TMCC1: variants seen among roughly 807,000 people sequenced by gnomAD.
The protein encoded by TMCC1 is transmembrane and coiled-coil domains protein 1.
TMCC1 carries 15 observed loss-of-function variants against 52.4 expected under a neutral mutation model. The ratio of observed to expected loss-of-function variants is 0.29; its 90% confidence interval spans 0.19 to 0.44. The LOEUF (loss-of-function observed/expected upper bound fraction) is 0.44. Among genes scored for constraint, TMCC1 ranks in the 20% least tolerant of loss-of-function variants. The pLI is 1.00. For synonymous variants in TMCC1, 279 were observed against 301.9 expected, an observed-to-expected ratio of 0.92 and a Z score of 0.79; for missense variants, 503 against 806.0, an observed-to-expected ratio of 0.62 and a Z score of 4.55.
chr3:129,827,735 GA>G (rs2058717409), intron 4 of TMCC1, 67 bp downstream of exon 4: 1 of 1,513,124 alleles, frequency 6.6e-7, no homozygotes, highest in Non-Finnish European at 8.9e-7. Flanking sequence ...GTTACCAAAG[GA>G]AAGTCTGGAG....
At chr3:129,831,194 A>G (rs1333791813) in intron 3 of TMCC1, among the ~76,000 whole-genome samples, 3 of 152,310 alleles carry the variant, frequency 2.0e-5, no homozygotes, top group East Asian at 1.9e-4. Flanking sequence ...TCAGCCTCCC[A>G]AAGTGCTGAG....
intron 4 of TMCC1, among the ~76,000 whole-genome samples, chr3:129,726,899 G>C (rs202042662): frequency 4.0e-5 from 2 of 50,596 alleles, no homozygotes; most frequent in Admixed American, 2.8e-4. Flanking sequence ...AAAAAAAAAA[G>C]AACCACTGTT....
intron 1 of TMCC1, among the ~76,000 whole-genome samples, chr3:129,892,247 C>G (rs2062002642): frequency 2.6e-5 from 4 of 152,180 alleles, no homozygotes; most frequent in African/African-American, 7.2e-5. Context: ...TAAAAGGTTA[C>G]CACCCACAGA....
At chr3:129,835,532 A>G (rs1449256415) in intron 2 of TMCC1, among the ~76,000 whole-genome samples, 4 of 152,204 alleles carry the variant, frequency 2.6e-5, no homozygotes, top group Non-Finnish European at 4.4e-5. Context: ...AGGTTTCTAT[A>G]AAGAACAAAA....
At chr3:129,733,441 G>A (rs1342190202) in intron 4 of TMCC1, among the ~76,000 whole-genome samples, 3 of 152,162 alleles carry the variant, frequency 2.0e-5, no homozygotes, top group Non-Finnish European at 4.4e-5. Context: ...CAAAGTGATA[G>A]CAGTAAAAAC....
chr3:129,782,552 T>C (rs1013098471), intron 4 of TMCC1, among the ~76,000 whole-genome samples: 6 of 152,190 alleles, frequency 3.9e-5, no homozygotes, highest in African/African-American at 1.4e-4. Flanking sequence ...CAAAGTGATA[T>C]TAATATATAT....
At chr3:129,737,411 C>G (rs1016945023) in intron 4 of TMCC1, among the ~76,000 whole-genome samples, 6 of 151,496 alleles carry the variant, frequency 4.0e-5, no homozygotes, top group African/African-American at 1.2e-4. Context: ...ACCCAGGAAG[C>G]GGAGGTTGTA....
At chr3:129,803,992 G>A (rs1243540652) in intron 4 of TMCC1, among the ~76,000 whole-genome samples, 1 of 151,968 alleles carries the variant, frequency 6.6e-6, no homozygotes, top group African/African-American at 2.4e-5. Flanking sequence ...CCTTGCAATC[G>A]TTTGCAATGC....
At chr3:129,667,220 T>TAAA (rs1202933776) in intron 5 of TMCC1, among the ~76,000 whole-genome samples, 11 of 85,798 alleles carry the variant, frequency 1.3e-4, no homozygotes, top group Non-Finnish European at 1.6e-4. Flanking sequence ...CCCTGACTCT[T>TAAA]AAAAAAAAAA....
intron 4 of TMCC1, among the ~76,000 whole-genome samples, chr3:129,790,812 T>C (rs2056400468): frequency 6.6e-6 from 1 of 152,228 alleles, no homozygotes; most frequent in Admixed American, 6.5e-5. Context: ...TCAACTTACA[T>C]CTAATTATTC....
At position 129,670,861 on chromosome 3, in the gene TMCC1, T is replaced by C. The variant is rs2087872391; in HGVS notation, c.980A>G (p.Gln327Arg). ...QPKDVFRDMH[Q>R]GLKDVGAKVT... ...CTTTGCTCCTACATCCTTCAGACCC[T>C]GGTGCATGTCCCTGAAGACATCCTT... is the stretch of plus-strand genomic sequence containing the variant. The change falls in exon 5 of 7, where the codon CAG becomes CGG. Residue 327 changes from glutamine to arginine, a missense_variant. Transcript: ENST00000393238. The C allele has an allele frequency of 6.2e-7, 1 of 1,614,110 alleles. No individual in the cohort carries two copies. The highest frequency in any genetic ancestry group is 1.7e-5 in the Admixed American group (1 of 60,008).
At position 129,893,331 on chromosome 3, in the gene TMCC1, G is replaced by T. The variant is rs185693207; in HGVS notation, c.-435+163C>A. 1,369 of 152,566 alleles carry T rather than the reference G, an allele frequency of 9.0e-3. 12 individuals are homozygous for T. The highest frequency in any genetic ancestry group is 0.015 in the Non-Finnish European group (1,027 of 68,278). The allele number at this position is 152,566 out of a possible 1,614,324, so 9.5% of individuals were successfully genotyped here. A position where few individuals can be genotyped will look rare whatever the true frequency, so the allele number is the denominator to read the frequency against. On this transcript the variant is annotated intron_variant, in intron 1 of 6. Transcript: ENST00000393238. Reference sequence around the variant, plus strand: ...GGCCCGGGGCTTCAACCTCGAACGGGGGCGACGGCAGGTCCCAGCCCCGAC... The same window carrying T: ...GGCCCGGGGCTTCAACCTCGAACGGTGGCGACGGCAGGTCCCAGCCCCGAC...
intron 2 of TMCC1, among the ~76,000 whole-genome samples, chr3:129,835,776 A>C (rs1239604607): frequency 6.6e-6 from 1 of 152,242 alleles, no homozygotes; most frequent in Non-Finnish European, 1.5e-5. Context: ...ACTGGTAACT[A>C]ATGTTACTCC....
At chr3:129,734,811 G>C (rs943223373) in intron 4 of TMCC1, among the ~76,000 whole-genome samples, 3 of 152,122 alleles carry the variant, frequency 2.0e-5, no homozygotes, top group African/African-American at 7.2e-5. Context: ...AGTTTGAAAA[G>C]CTTGGTAATT....
chr3:129,717,831 C>T (rs2049223791), intron 4 of TMCC1, among the ~76,000 whole-genome samples: 1 of 152,136 alleles, frequency 6.6e-6, no homozygotes, highest in African/African-American at 2.4e-5. Context: ...CTATCTTGCC[C>T]ACATATCTGT....
rs1344643069 is a variant in TMCC1, at chr3:129,669,238, TAA to T, written c.1511+1090_1511+1091del. 2.0e-5 allele frequency among the ~76,000 whole-genome samples: 3 copies of T among 152,272 alleles called. No homozygotes were observed. In the East Asian group the frequency reaches 5.8e-4, roughly 29 times the overall value. Reference sequence around the variant, plus strand: ...CATTTTTAAAAGGTGAAAAGGATATTAAAAGATTATCTGTTCAACTCCTGATG... The same window carrying T: ...CATTTTTAAAAGGTGAAAAGGATATTAAGATTATCTGTTCAACTCCTGATG... On this transcript the variant is annotated intron_variant, in intron 5 of 6. Transcript: ENST00000393238.
At chr3:129,703,153 A>G (rs144837403) in intron 4 of TMCC1, among the ~76,000 whole-genome samples, 32 of 152,352 alleles carry the variant, frequency 2.1e-4, no homozygotes, top group African/African-American at 7.7e-4. Context: ...ATTCTTTGTT[A>G]CTTAATTTTC....
intron 4 of TMCC1, among the ~76,000 whole-genome samples, chr3:129,675,675 T>C (rs1275471462): frequency 6.6e-6 from 1 of 152,158 alleles, no homozygotes; most frequent in African/African-American, 2.4e-5. Context: ...AAAAGTAATA[T>C]AGTCACCTAT....
Position 129,655,091 on chromosome 3 carries a change from C to T in TMCC1, c.1524G>A (p.Leu508=). 2 of 1,613,788 alleles carry T rather than the reference C, an allele frequency of 1.2e-6. No individual in the cohort carries two copies. Among genetic ancestry groups the T allele is most frequent in the Non-Finnish European group, 1.7e-6 (2 of 1,179,946 alleles). ...CTGTTAGGTCATTTAGCTGTTCTTC[C>T]AATCGTTCACATCTAAGGAGAAAAA... ...LQEERYRCER[L]EEQLNDLTEL... is the part of the protein sequence containing the mutation. Residue 508 remains leucine, a synonymous_variant, in exon 6 of 7, where the codon TTG becomes TTA. Coordinates refer to ENST00000393238, the MANE Select transcript of TMCC1 (RefSeq NM_001017395.5).
Sources: gnomAD v4.1 joint callset for allele counts (sites outside exome capture counted in the v4.1 genomes callset) on GRCh38, gnomAD v4.1.1 for gene constraint, MANE v1.5 for transcripts, NCBI Gene and HGNC (gene_info 2026-07-23, HGNC 2026-07-21) for gene names.